Variants in SAE1 observed in about 807,000 individuals in gnomAD.
The protein encoded by SAE1 is SUMO-activating enzyme subunit 1.
In SAE1, 11 loss-of-function variants were observed where a neutral mutation model predicts 40.6. That is an observed-to-expected ratio of 0.27 (90% CI 0.17 to 0.45). SAE1 has a LOEUF of 0.45. Ranked by LOEUF, SAE1 falls within the 20% of genes least tolerant of loss-of-function variation. SAE1 has a pLI of 1.00. For missense variants in SAE1, 373 were observed against 427.3 expected (o/e 0.87, Z 1.12); for synonymous variants, 155 against 154.3 (o/e 1.00, Z -0.03).
intron 6 of SAE1, among the ~76,000 whole-genome samples, chr19:47,195,055 C>CT (rs796120464): frequency 0.015 from 2,017 of 135,424 alleles, 35 homozygotes; most frequent in African/African-American, 0.04. Flanking sequence ...CCTGGCCAGT[C>CT]TTTTTTTTTT....
intron 8 of SAE1, among the ~76,000 whole-genome samples, chr19:47,205,130 G>A (rs955924851): frequency 6.6e-6 from 1 of 152,144 alleles, no homozygotes; most frequent in African/African-American, 2.4e-5. Flanking sequence ...GTGGACTCCG[G>A]TGAGGCTTTT....
intron 6 of SAE1, among the ~76,000 whole-genome samples, chr19:47,171,133 C>G (rs1007702076): frequency 6.6e-6 from 1 of 151,486 alleles, no homozygotes; most frequent in Admixed American, 6.6e-5. Flanking sequence ...TGCCACCACA[C>G]CCAGCTAATT....
intron 1 of SAE1, among the ~76,000 whole-genome samples, chr19:47,136,173 C>T (rs538649912): frequency 6.6e-6 from 1 of 152,104 alleles, no homozygotes. Flanking sequence ...GAGCCTCGCT[C>T]TGTTGCCCAG....
chr19:47,200,097 A>AT (rs1229021407), intron 7 of SAE1, among the ~76,000 whole-genome samples: 3 of 149,808 alleles, frequency 2.0e-5, no homozygotes, highest in South Asian at 2.1e-4. Context: ...CGCCCAGCTA[A>AT]TTTTTTTTGT....
chr19:47,136,494 CTTTTT>C (rs35463823), intron 1 of SAE1, among the ~76,000 whole-genome samples: 2 of 109,624 alleles, frequency 1.8e-5, no homozygotes, highest in Non-Finnish European at 3.8e-5. Context: ...TTACCCGAGT[CTTTTT>C]TTTTTTTTTT....
rs544841283 is a variant in SAE1 at position 47,202,897 on chromosome 19, G to A, written c.879-774G>A. Among the ~76,000 whole-genome samples the A allele has an allele frequency of 3.9e-5, 6 of 152,222 alleles. No individual in the cohort carries two copies. The East Asian group carries it at 9.7e-4, about 25-fold the overall frequency. ...TGCACTCCAGCCTGGGTGACAGAGCGAGACTCCGTCTCAAAAAAAGTCTAG... is the reference window on the plus strand; with the variant it reads ...TGCACTCCAGCCTGGGTGACAGAGCAAGACTCCGTCTCAAAAAAAGTCTAG... On this transcript the variant is annotated intron_variant, in intron 7 of 8. Transcript: ENST00000270225.
At chr19:47,168,837 C>T (rs1357962634) in intron 5 of SAE1, among the ~76,000 whole-genome samples, 1 of 152,050 alleles carries the variant, frequency 6.6e-6, no homozygotes, top group Non-Finnish European at 1.5e-5. Context: ...CTCCTGACCT[C>T]AGGCGATCCA....
chr19:47,161,126 C>T (rs1292622424), intron 5 of SAE1, among the ~76,000 whole-genome samples: 1 of 151,908 alleles, frequency 6.6e-6, no homozygotes, highest in Non-Finnish European at 1.5e-5. Flanking sequence ...CCACCTCAGT[C>T]TCCAAGGTAG....
At chr19:47,146,044 G>A (rs566575448) in intron 2 of SAE1, among the ~76,000 whole-genome samples, 53 of 136 alleles carry the variant, frequency 0.39, no homozygotes, top group South Asian at 0.5. Context: ...TAAAGAACAA[G>A]GAGGGTTGTC....
At chr19:47,141,294 G>A (rs921080167) in intron 1 of SAE1, among the ~76,000 whole-genome samples, 5 of 152,096 alleles carry the variant, frequency 3.3e-5, no homozygotes, top group South Asian at 2.1e-4. Context: ...GAGCCCCCAC[G>A]CCTGGCCATA....
intron 1 of SAE1, among the ~76,000 whole-genome samples, chr19:47,135,876 T>C (rs1008306445): frequency 2.0e-5 from 3 of 151,948 alleles, no homozygotes; most frequent in African/African-American, 2.4e-5. Context: ...CAGTCTTGGT[T>C]CACTGCAAGC....
intron 3 of SAE1, among the ~76,000 whole-genome samples, chr19:47,152,694 T>A (rs1163226540): frequency 2.6e-5 from 4 of 152,152 alleles, no homozygotes; most frequent in Non-Finnish European, 5.9e-5. Context: ...AACGTGACGG[T>A]CTCATAACTT....
intron 6 of SAE1, 74 bp from the exon 7 acceptor site, chr19:47,197,159 C>T (rs865916348): frequency 1.1e-5 from 16 of 1,462,728 alleles, no homozygotes; most frequent in East Asian, 2.3e-5. Context: ...CCAGCCTGGG[C>T]GACAGTGTGA....
intron 1 of SAE1, among the ~76,000 whole-genome samples, chr19:47,133,468 G>T (rs901991568): frequency 2.6e-5 from 4 of 152,088 alleles, no homozygotes; most frequent in Non-Finnish European, 5.9e-5. Context: ...CTCGTGATCC[G>T]CCTGCCTTGG....
At chr19:47,147,094 G>A (rs571512746) in intron 2 of SAE1, among the ~76,000 whole-genome samples, 1 of 151,796 alleles carries the variant, frequency 6.6e-6, no homozygotes, top group South Asian at 2.1e-4. Context: ...CCACACCTAA[G>A]AGGGCCCAAA....
chr19:47,154,286 T>G (rs190624178), intron 4 of SAE1, among the ~76,000 whole-genome samples: 12 of 151,536 alleles, frequency 7.9e-5, no homozygotes, highest in Admixed American at 7.9e-4. Context: ...AGACGGGGTT[T>G]CACTATGTTG....
rs1211197863 is a variant in SAE1 at position 47,198,276 on chromosome 19, A to AT, written c.878+907dup. 1.1e-4 allele frequency among the ~76,000 whole-genome samples: 16 copies of AT among 151,704 alleles called. 1 individual carries two copies. The highest frequency in any genetic ancestry group is 2.1e-4 in the South Asian group (1 of 4,810). ...AGGTGCCTGCCACCACGCCCAGCTA[A>AT]TTTTTTTTGTATTTTTAGTAGAGAT... On this transcript the variant is annotated intron_variant, in intron 7 of 8. Transcript: ENST00000270225.
intron 6 of SAE1, among the ~76,000 whole-genome samples, chr19:47,173,157 C>A (rs2058445735): frequency 6.6e-6 from 1 of 152,116 alleles, no homozygotes. Context: ...CACCACCACA[C>A]CCAGCTAATT....
chr19:47,204,173 C>T (rs2058671671), intron 8 of SAE1, among the ~76,000 whole-genome samples: 1 of 140,802 alleles, frequency 7.1e-6, no homozygotes, highest in African/African-American at 2.6e-5. Context: ...ATCACCATGA[C>T]ATCAAAGCCC....
Sources: gnomAD v4.1 joint callset for allele counts (sites outside exome capture counted in the v4.1 genomes callset) on GRCh38, gnomAD v4.1.1 for gene constraint, MANE v1.5 for transcripts, NCBI Gene and HGNC (gene_info 2026-07-23, HGNC 2026-07-21) for gene names.